DAB1: variants seen among roughly 807,000 people sequenced by gnomAD.
DAB1 encodes DAB adaptor protein 1.
DAB1 carries 15 observed loss-of-function variants against 64.6 expected under a neutral mutation model. The ratio of observed to expected loss-of-function variants is 0.23; its 90% CI spans 0.16 to 0.36. The LOEUF is 0.36. DAB1 is among the 10% of genes least tolerant of loss of function. The pLI, the probability that DAB1 is intolerant of heterozygous loss-of-function variation, is 1.00. For synonymous variants in DAB1, 235 were observed against 251.9 expected (o/e 0.93, Z 0.64); for missense variants, 596 against 706.7 (o/e 0.84, Z 1.78).
chr1:58,289,492 T>C (rs1459277627), intron 4 of DAB1, among the ~76,000 whole-genome samples: 1 of 152,198 alleles, frequency 6.6e-6, no homozygotes, highest in Non-Finnish European at 1.5e-5. Context: ...TAACACATGA[T>C]TTTAAAGTTT....
At chr1:57,418,093 C>CA (rs1309747484) in intron 1 of DAB1, among the ~76,000 whole-genome samples, 1 of 152,174 alleles carries the variant, frequency 6.6e-6, no homozygotes, top group African/African-American at 2.4e-5. Flanking sequence ...GCAAACTGTG[C>CA]AATTGCATCT....
chr1:57,088,564 C>T (rs1653325456), intron 4 of DAB1, among the ~76,000 whole-genome samples: 1 of 152,166 alleles, frequency 6.6e-6, no homozygotes, highest in Non-Finnish European at 1.5e-5. Context: ...TGCCAGTTAC[C>T]CAGATGGGTT....
chr1:58,215,530 G>C (rs1277776969), intron 4 of DAB1, among the ~76,000 whole-genome samples: 2 of 151,898 alleles, frequency 1.3e-5, no homozygotes, highest in Non-Finnish European at 2.9e-5. Flanking sequence ...AACAGCCCTT[G>C]TACTGATATA....
intron 1 of DAB1, among the ~76,000 whole-genome samples, chr1:58,544,382 A>T (rs578034863): frequency 6.6e-6 from 1 of 152,352 alleles, no homozygotes; most frequent in East Asian, 1.9e-4. Context: ...ATTTGCAAAA[A>T]TAGTAATGAG....
At chr1:57,796,696 GTAGCAGCCTC>G (rs1284112171) in intron 6 of DAB1, among the ~76,000 whole-genome samples, 2 of 152,142 alleles carry the variant, frequency 1.3e-5, no homozygotes, top group African/African-American at 4.8e-5. Context: ...GTCATTGGGT[GTAGCAGCCTC>G]TACCTGCTTT....
intron 3 of DAB1, among the ~76,000 whole-genome samples, chr1:58,432,859 A>G (rs1231728729): frequency 1.3e-5 from 2 of 152,198 alleles, no homozygotes; most frequent in Non-Finnish European, 2.9e-5. Context: ...TCAGGGCTCC[A>G]TGGCTGGAGT....
chr1:58,299,356 G>C (rs887429482), intron 4 of DAB1, among the ~76,000 whole-genome samples: 24 of 152,180 alleles, frequency 1.6e-4, no homozygotes, highest in Non-Finnish European at 4.4e-5. Flanking sequence ...TGGTATCTAA[G>C]TAGGCTGTGC....
chr1:57,904,521 G>A (rs1210200646), intron 5 of DAB1, among the ~76,000 whole-genome samples: 1 of 152,124 alleles, frequency 6.6e-6, no homozygotes, highest in Non-Finnish European at 1.5e-5. Context: ...ACTGAAAATG[G>A]TAATAAATAC....
intron 4 of DAB1, among the ~76,000 whole-genome samples, chr1:58,242,495 A>G (rs907568173): frequency 6.6e-6 from 1 of 152,166 alleles, no homozygotes; most frequent in Non-Finnish European, 1.5e-5. Context: ...CCATCTACAT[A>G]TGCTAGTAGT....
chr1:57,386,497 C>T (rs1031373497), intron 1 of DAB1: 2 of 151,932 alleles, frequency 1.3e-5, no homozygotes, highest in African/African-American at 4.8e-5. Context: ...CAACCTGAGA[C>T]TGAATAGAAC....
intron 4 of DAB1, among the ~76,000 whole-genome samples, chr1:57,079,948 C>A (rs941786076): frequency 1.3e-5 from 2 of 152,130 alleles, no homozygotes; most frequent in Non-Finnish European, 2.9e-5. Flanking sequence ...CAGTGTCTGC[C>A]TCCGCCACTA....
chr1:58,526,910 A>G (rs1176507339), intron 2 of DAB1, among the ~76,000 whole-genome samples: 1 of 152,178 alleles, frequency 6.6e-6, no homozygotes, highest in Non-Finnish European at 1.5e-5. Context: ...CAAATGTTTT[A>G]AAATTTCAAT....
rs552567142 is a variant in DAB1 at position 58,256,005 on chromosome 1, C to T, written n.309+87347G>A. On this transcript the variant is annotated intron_variant and non_coding_transcript_variant, in intron 4 of 20. Coordinates refer to the DAB1 transcript ENST00000485760. ...TGACACTTCTTGGCCCCAGTGCCTG[C>T]GCTCTTTCCATTGCATTTTCTGCAG... 2.2e-4 allele frequency among the ~76,000 whole-genome samples: 33 copies of T among 152,318 alleles called. No homozygotes were observed. The South Asian group carries it at 3.9e-3, about 18-fold the overall frequency.
chr1:58,233,076 G>A (rs1659855509), intron 4 of DAB1, among the ~76,000 whole-genome samples: 1 of 152,206 alleles, frequency 6.6e-6, no homozygotes, highest in African/African-American at 2.4e-5. Context: ...ACAAGTGCCA[G>A]ATAGGTGTGA....
intron 5 of DAB1, among the ~76,000 whole-genome samples, chr1:57,922,970 TCCTC>T (rs1185034093): frequency 6.6e-6 from 1 of 151,762 alleles, no homozygotes; most frequent in Non-Finnish European, 1.5e-5. Flanking sequence ...CTTTCTTTCT[TCCTC>T]CCTCCCTCCC....
At chr1:57,699,531 G>T (rs1646883274) in intron 6 of DAB1, among the ~76,000 whole-genome samples, 1 of 152,158 alleles carries the variant, frequency 6.6e-6, no homozygotes, top group Non-Finnish European at 1.5e-5. Context: ...TTAAGACACA[G>T]TGTTGGGATG....
At chr1:57,341,014 G>C (rs1426442925) in intron 1 of DAB1, among the ~76,000 whole-genome samples, 3 of 152,160 alleles carry the variant, frequency 2.0e-5, no homozygotes, top group Non-Finnish European at 2.9e-5. Context: ...CTGGCAGCCA[G>C]CACTTACACA....
intron 3 of DAB1, among the ~76,000 whole-genome samples, chr1:58,492,808 T>A (rs1264444795): frequency 6.6e-6 from 1 of 152,126 alleles, no homozygotes; most frequent in East Asian, 1.9e-4. Flanking sequence ...CAGGACCAGA[T>A]GGATTCACAG....
chr1:58,283,836 C>T (rs1661621801), intron 4 of DAB1, among the ~76,000 whole-genome samples: 1 of 152,132 alleles, frequency 6.6e-6, no homozygotes. Context: ...AGACTTTGTC[C>T]TCGAAGGCAA....
Sources: gnomAD v4.1 joint callset for allele counts (sites outside exome capture counted in the v4.1 genomes callset) on GRCh38, gnomAD v4.1.1 for gene constraint, MANE v1.5 for transcripts, NCBI Gene and HGNC (gene_info 2026-07-23, HGNC 2026-07-21) for gene names.